ZNRF1: variants seen among roughly 807,000 people sequenced by gnomAD.
The protein encoded by ZNRF1 is zinc and ring finger 1, also known as E3 ubiquitin-protein ligase ZNRF1.
Under a neutral mutation model 18.4 loss-of-function variants are expected in ZNRF1, and 3 were observed. The observed-to-expected ratio is 0.16, with a 90% confidence interval of 0.07 to 0.42. The LOEUF (loss-of-function observed/expected upper bound fraction) is 0.42. Ranked by LOEUF, ZNRF1 falls within the 10% of genes least tolerant of loss-of-function variation. The pLI, the probability that ZNRF1 is intolerant of heterozygous loss-of-function variation, is 0.99. For missense variants in ZNRF1, 310 were observed against 329.8 expected, an observed-to-expected ratio of 0.94 and a Z score of 0.47; for synonymous variants, 157 against 144.2, an observed-to-expected ratio of 1.09 and a Z score of -0.64.
chr16:75,076,116 C>T (rs1451231614), intron 1 of ZNRF1, among the ~76,000 whole-genome samples: 1 of 152,208 alleles, frequency 6.6e-6, no homozygotes, highest in Non-Finnish European at 1.5e-5. Context: ...ATTCAGTTTT[C>T]TTCTTCCTTC....
intron 1 of ZNRF1, among the ~76,000 whole-genome samples, chr16:75,062,616 C>A (rs941549243): frequency 1.3e-5 from 2 of 152,236 alleles, no homozygotes; most frequent in African/African-American, 2.4e-5. Flanking sequence ...TGGCCGCCTG[C>A]GGCAAGATGA....
At chr16:75,053,970 G>A (rs2035638950) in intron 1 of ZNRF1, among the ~76,000 whole-genome samples, 1 of 152,172 alleles carries the variant, frequency 6.6e-6, no homozygotes, top group African/African-American at 2.4e-5. Context: ...CCCAAGCCAT[G>A]GTCAAAACTT....
At chr16:75,010,706 TTTTTGTTTTTTTG>T (rs1255606075) in intron 1 of ZNRF1, among the ~76,000 whole-genome samples, 12 of 40,168 alleles carry the variant, frequency 3.0e-4, no homozygotes, top group Non-Finnish European at 9.4e-4. Context: ...GTACTGTTTT[TTTTTGTTTTTTTG>T]TTTTTTTTTT....
At chr16:75,005,934 C>T (rs2034911618) in intron 1 of ZNRF1, among the ~76,000 whole-genome samples, 1 of 152,148 alleles carries the variant, frequency 6.6e-6, no homozygotes, top group Admixed American at 6.5e-5. Flanking sequence ...GTATAGCCTG[C>T]TACATACCTA....
chr16:75,076,073 C>T (rs570322990), intron 1 of ZNRF1, among the ~76,000 whole-genome samples: 2 of 152,318 alleles, frequency 1.3e-5, no homozygotes, highest in Admixed American at 1.3e-4. Context: ...TCAAACAACC[C>T]TGATCATGAG....
At chr16:75,080,740 G>T (rs762492608) in intron 1 of ZNRF1, among the ~76,000 whole-genome samples, 1 of 152,102 alleles carries the variant, frequency 6.6e-6, no homozygotes, top group Non-Finnish European at 1.5e-5. Flanking sequence ...GCATGGTGGC[G>T]CACTGGCCTG....
chr16:75,015,178 G>T (rs977830219), intron 1 of ZNRF1, among the ~76,000 whole-genome samples: 2 of 151,940 alleles, frequency 1.3e-5, no homozygotes, highest in Non-Finnish European at 2.9e-5. Context: ...TTCTCTTATG[G>T]CTTATGCATT....
At chr16:75,074,461 T>C (rs1180994592) in intron 1 of ZNRF1, among the ~76,000 whole-genome samples, 1 of 152,194 alleles carries the variant, frequency 6.6e-6, no homozygotes, top group African/African-American at 2.4e-5. Flanking sequence ...TGAATATTTA[T>C]GGGTGGATTT....
intron 1 of ZNRF1, among the ~76,000 whole-genome samples, chr16:75,049,222 C>T (rs1368622027): frequency 6.6e-6 from 1 of 151,792 alleles, no homozygotes; most frequent in Non-Finnish European, 1.5e-5. Flanking sequence ...CCTGGCTGGT[C>T]TCAAACTCCT....
At chr16:75,023,193 T>G (rs1299990785) in intron 1 of ZNRF1, among the ~76,000 whole-genome samples, 1 of 152,170 alleles carries the variant, frequency 6.6e-6, no homozygotes, top group Non-Finnish European at 1.5e-5. Flanking sequence ...AGTTGGAAAT[T>G]CCTTGTAATT....
intron 1 of ZNRF1, among the ~76,000 whole-genome samples, chr16:75,087,876 C>A (rs772821096): frequency 3.3e-5 from 5 of 152,204 alleles, no homozygotes; most frequent in Admixed American, 6.5e-5. Flanking sequence ...TGCAGGGAGC[C>A]GCTGGGGCGC....
intron 1 of ZNRF1, among the ~76,000 whole-genome samples, chr16:75,026,501 C>A (rs546643831): frequency 1.3e-5 from 2 of 152,120 alleles, no homozygotes; most frequent in Non-Finnish European, 2.9e-5. Flanking sequence ...TGGAAAAATT[C>A]TGTAATGATT....
chr16:75,031,129 C>T (rs952604792), intron 1 of ZNRF1, among the ~76,000 whole-genome samples: 2 of 150,562 alleles, frequency 1.3e-5, no homozygotes, highest in African/African-American at 4.9e-5. Context: ...AGCCACTGCG[C>T]CCCACCTGTT....
chr16:75,101,410 C>T (rs923573763), intron 2 of ZNRF1, among the ~76,000 whole-genome samples: 32 of 151,762 alleles, frequency 2.1e-4, no homozygotes, highest in African/African-American at 6.3e-4. Context: ...AAAAATTAGC[C>T]GGGTGTGGTG....
chr16:75,017,156 T>C (rs2035083410), intron 1 of ZNRF1, among the ~76,000 whole-genome samples: 1 of 152,292 alleles, frequency 6.6e-6, no homozygotes, highest in Middle Eastern at 3.4e-3. Flanking sequence ...ACAACAACAG[T>C]AAAAACAACA....
intron 1 of ZNRF1, among the ~76,000 whole-genome samples, chr16:75,011,630 T>C (rs1203668596): frequency 6.6e-6 from 1 of 152,224 alleles, no homozygotes; most frequent in South Asian, 2.1e-4. Flanking sequence ...TCTGGTTAGC[T>C]ATGACTGAAA....
chr16:75,060,301 C>A (rs1054817377), intron 1 of ZNRF1, among the ~76,000 whole-genome samples: 1 of 152,152 alleles, frequency 6.6e-6, no homozygotes, highest in Non-Finnish European at 1.5e-5. Flanking sequence ...ATCCGCCCAT[C>A]TTGCCTCCCA....
At chr16:75,053,298 A>G (rs1422043433) in intron 1 of ZNRF1, among the ~76,000 whole-genome samples, 1 of 152,188 alleles carries the variant, frequency 6.6e-6, no homozygotes. Context: ...AAACATAAAA[A>G]TCGCCAATGG....
chr16:75,032,813 C>T (rs1238986413), intron 1 of ZNRF1, among the ~76,000 whole-genome samples: 2 of 152,048 alleles, frequency 1.3e-5, no homozygotes, highest in Non-Finnish European at 2.9e-5. Context: ...ACTTGAGACC[C>T]AGACCAGCCT....
Sources: allele counts gnomAD v4.1 joint callset (sites outside exome capture counted in the v4.1 genomes callset), GRCh38; gene constraint gnomAD v4.1.1; transcripts MANE v1.5; gene names NCBI Gene and HGNC (gene_info 2026-07-23, HGNC 2026-07-21).